The following NELL1 variants were observed in gnomAD, a reference collection of about 807,000 sequenced individuals.
NELL1 encodes the protein protein kinase C-binding protein NELL1.
Under a neutral mutation model 107.4 loss-of-function variants are expected in NELL1, and 76 were observed. That is an observed-to-expected ratio of 0.71 (90% CI 0.59 to 0.86). The LOEUF is 0.86. NELL1 is among the 40% of genes least tolerant of loss of function. The probability of loss-of-function intolerance (pLI) is 0.00; values close to 1 mark genes in which losing one functional copy is unlikely to be tolerated. For synonymous variants in NELL1, 353 were observed against 341.2 expected (o/e 1.03, Z -0.38); for missense variants, 1,024 against 1,005.5 (o/e 1.02, Z -0.25).
chr11:21,164,373 A>G (rs1343731001), intron 13 of NELL1, among the ~76,000 whole-genome samples: 2 of 152,220 alleles, frequency 1.3e-5, no homozygotes, highest in Non-Finnish European at 2.9e-5. Flanking sequence ...ATACCAGGAC[A>G]ACTGTGTGAG....
intron 13 of NELL1, chr11:21,169,682 A>T (rs1856560249): frequency 1.7e-6 from 1 of 583,428 alleles, no homozygotes; most frequent in Non-Finnish European, 3.0e-6. Context: ...TATGTACCTA[A>T]TGGGACTGTA....
Position 20,690,891 on chromosome 11 carries a change from G to A in NELL1, c.184+12831G>A, listed in dbSNP as rs867221555. On this transcript the variant is annotated intron_variant, in intron 2 of 19. Coordinates refer to ENST00000357134, the MANE Select transcript of NELL1 (RefSeq NM_006157.5). ...CCTTGGGCAGTATGGCCATTTTCAC[G>A]ATATTGATTCTTCCTACCCATGAGC... Among the ~76,000 whole-genome samples the A allele has an allele frequency of 8.0e-4, 121 of 151,606 alleles. 3 individuals carry two copies. In the East Asian group the frequency reaches 0.023, roughly 28 times the overall value.
intron 12 of NELL1, among the ~76,000 whole-genome samples, chr11:21,034,556 C>G (rs1281944017): frequency 6.6e-6 from 1 of 152,180 alleles, no homozygotes; most frequent in East Asian, 1.9e-4. Flanking sequence ...ATCTCTTGGA[C>G]TACAGTGCAA....
intron 2 of NELL1, among the ~76,000 whole-genome samples, chr11:20,728,693 A>G (rs542152568): frequency 7.9e-5 from 12 of 151,574 alleles, no homozygotes; most frequent in Admixed American, 6.6e-4. Context: ...TACCAGTATC[A>G]TGCTGTTTTG....
chr11:21,551,383 A>C (rs1856578627), intron 16 of NELL1, among the ~76,000 whole-genome samples: 2 of 152,056 alleles, frequency 1.3e-5, no homozygotes, highest in Non-Finnish European at 2.9e-5. Context: ...ACTATGTTGA[A>C]TAGGAATGGT....
intron 5 of NELL1, among the ~76,000 whole-genome samples, chr11:20,913,023 C>T (rs551521868): frequency 7.9e-5 from 12 of 152,144 alleles, no homozygotes; most frequent in African/African-American, 2.9e-4. Flanking sequence ...TAATGAAAGT[C>T]GACAAGTGTC....
rs78881965 is a variant in NELL1, at chr11:20,942,982, C to A, written c.1072-4354C>A. 2.9e-3 allele frequency among the ~76,000 whole-genome samples: 447 copies of A among 151,926 alleles called. 2 individuals carry two copies. The highest frequency in any genetic ancestry group is 0.01 in the African/African-American group (431 of 41,448). On this transcript the variant is annotated intron_variant, in intron 10 of 19. Coordinates refer to ENST00000357134, the MANE Select transcript of NELL1 (RefSeq NM_006157.5). ...ATATGGGCATGGATTTGAATGCCAG[C>A]TTATTTAAATATCACTTACTACTAT...
chr11:21,485,015 A>T (rs1186909047), intron 15 of NELL1, among the ~76,000 whole-genome samples: 1 of 152,092 alleles, frequency 6.6e-6, no homozygotes, highest in Non-Finnish European at 1.5e-5. Context: ...GAACTGGGAG[A>T]AGCTCCTGGA....
chr11:21,266,153 C>T (rs1848628824), intron 14 of NELL1, among the ~76,000 whole-genome samples: 1 of 151,870 alleles, frequency 6.6e-6, no homozygotes, highest in African/African-American at 2.4e-5. Context: ...ACTCTGGAAC[C>T]ATTTAGCATG....
At chr11:21,378,212 G>A (rs551535412) in intron 15 of NELL1, among the ~76,000 whole-genome samples, 10 of 150,868 alleles carry the variant, frequency 6.6e-5, no homozygotes, top group East Asian at 2.0e-4. Flanking sequence ...TTAAGAACTC[G>A]TGGTCTAGAT....
chr11:21,414,886 C>A (rs979725111), intron 15 of NELL1, among the ~76,000 whole-genome samples: 7 of 152,056 alleles, frequency 4.6e-5, no homozygotes, highest in African/African-American at 1.4e-4. Flanking sequence ...TAGGCAACTA[C>A]ATTTACTAGG....
At chr11:21,257,394 T>C (rs1858796952) in intron 14 of NELL1, among the ~76,000 whole-genome samples, 1 of 152,078 alleles carries the variant, frequency 6.6e-6, no homozygotes, top group African/African-American at 2.4e-5. Context: ...GAATCTGTCC[T>C]GTGAGCCTCA....
In NELL1 at chr11:21,246,981, T is replaced by G. The variant is rs563065260; in HGVS notation, c.1549+17527T>G. Among the ~76,000 whole-genome samples, 120 of 152,306 alleles carry G rather than the reference T, an allele frequency of 7.9e-4. 1 individual carries two copies. The highest frequency in any genetic ancestry group is 2.8e-3 in the African/African-American group (115 of 41,566). On this transcript the variant is annotated intron_variant, in intron 14 of 19. Coordinates refer to ENST00000357134, the MANE Select transcript of NELL1 (RefSeq NM_006157.5). ...TCCCTCCCACAACATGTGGGAATTA[T>G]GGTAGCTACAATTCAAAATGAGATT...
At chr11:21,380,975 A>G (rs1027031224) in intron 15 of NELL1, among the ~76,000 whole-genome samples, 3 of 151,952 alleles carry the variant, frequency 2.0e-5, no homozygotes, top group Non-Finnish European at 4.4e-5. Context: ...TGCATTTATT[A>G]TTTCCTGTGA....
chr11:21,199,860 T>A (rs1414411686), intron 13 of NELL1, among the ~76,000 whole-genome samples: 1 of 147,984 alleles, frequency 6.8e-6, no homozygotes, highest in Non-Finnish European at 1.5e-5. Context: ...TGTGTTCTCA[T>A]TGTTCAACTC....
chr11:21,454,486 A>G (rs1590944866), intron 15 of NELL1, among the ~76,000 whole-genome samples: 1 of 152,102 alleles, frequency 6.6e-6, no homozygotes, highest in Non-Finnish European at 1.5e-5. Flanking sequence ...TGTTTTTCTC[A>G]TATATTTCAT....
intron 15 of NELL1, among the ~76,000 whole-genome samples, chr11:21,412,624 T>G (rs564041146): frequency 6.6e-6 from 1 of 152,100 alleles, no homozygotes; most frequent in African/African-American, 2.4e-5. Context: ...GAGGGAAGTG[T>G]GTCTACGGAA....
rs114248685 is a variant in NELL1, at chr11:21,114,638, G to A, written c.1426+924G>A. Among the ~76,000 whole-genome samples the A allele has an allele frequency of 7.5e-3, 1,132 of 151,848 alleles. 15 individuals carry two copies. Among genetic ancestry groups the A allele is most frequent in the African/African-American group, 0.026 (1,063 of 41,442 alleles). On this transcript the variant is annotated intron_variant, in intron 13 of 19. Coordinates refer to ENST00000357134, the MANE Select transcript of NELL1 (RefSeq NM_006157.5). Reference sequence around the variant, plus strand: ...CATGTTAGTATGTCCAAATTTCTTTGCCAGTGATGTCTATTTATAAGTTAC... The same window carrying A: ...CATGTTAGTATGTCCAAATTTCTTTACCAGTGATGTCTATTTATAAGTTAC...
chr11:20,974,573 A>C (rs1424155163), intron 12 of NELL1, among the ~76,000 whole-genome samples: 4 of 151,954 alleles, frequency 2.6e-5, no homozygotes, highest in Non-Finnish European at 5.9e-5. Context: ...ATTTTCTCTG[A>C]ATTTGTTTTT....
Sources: gnomAD v4.1 joint callset for allele counts (sites outside exome capture counted in the v4.1 genomes callset) on GRCh38, gnomAD v4.1.1 for gene constraint, MANE v1.5 for transcripts, NCBI Gene and HGNC (gene_info 2026-07-23, HGNC 2026-07-21) for gene names.